The following RPN2 variants were observed in gnomAD, a reference collection of about 807,000 sequenced individuals.
The protein encoded by RPN2 is dolichyl-diphosphooligosaccharide--protein glycosyltransferase subunit 2.
In RPN2, 29 loss-of-function variants were observed where a neutral mutation model predicts 71.4. The ratio of observed to expected loss-of-function variants is 0.41; its 90% CI spans 0.30 to 0.55. The LOEUF (loss-of-function observed/expected upper bound fraction) is 0.55. Ranked by LOEUF, RPN2 falls within the 20% of genes least tolerant of loss-of-function variation. The probability of loss-of-function intolerance (pLI) is 0.35; values close to 1 mark genes in which losing one functional copy is unlikely to be tolerated. For missense variants in RPN2, 726 were observed against 774.1 expected (o/e 0.94, Z 0.74); for synonymous variants, 308 against 305.0 (o/e 1.01, Z -0.10).
At chr20:37,186,289 A>C (rs1044375357) in intron 2 of RPN2, among the ~76,000 whole-genome samples, 3 of 152,338 alleles carry the variant, frequency 2.0e-5, no homozygotes, top group Non-Finnish European at 4.4e-5. Context: ...TAAATGAATA[A>C]TCAGTGGATG....
intron 2 of RPN2, among the ~76,000 whole-genome samples, chr20:37,189,662 T>C (rs1428620352): frequency 6.6e-6 from 1 of 152,206 alleles, no homozygotes; most frequent in African/African-American, 2.4e-5. Flanking sequence ...TTAGTTCTGC[T>C]CAAAAGTAAG....
chr20:37,186,378 T>TTA, intron 2 of RPN2, among the ~76,000 whole-genome samples: 1 of 152,218 alleles, frequency 6.6e-6, no homozygotes, highest in Non-Finnish European at 1.5e-5. Flanking sequence ...TGACTCCAAA[T>TTA]CTGTAGGGAC....
intron 6 of RPN2, 147 bp downstream of exon 6, chr20:37,205,048 A>G: frequency 8.3e-7 from 1 of 1,201,502 alleles, no homozygotes; most frequent in South Asian, 1.5e-5. Flanking sequence ...AGAATGAGAA[A>G]TAGAAAGATG....
intron 8 of RPN2, among the ~76,000 whole-genome samples, chr20:37,213,324 C>A (rs970651463): frequency 6.6e-6 from 1 of 152,200 alleles, no homozygotes; most frequent in Non-Finnish European, 1.5e-5. Context: ...ACATGCCAAT[C>A]TGTGATTAAG....
chr20:37,226,683 C>G (rs928460282), intron 11 of RPN2, among the ~76,000 whole-genome samples: 1 of 152,012 alleles, frequency 6.6e-6, no homozygotes, highest in Admixed American at 6.6e-5. Flanking sequence ...AAGCAATAGG[C>G]TTTATTTTTT....
Position 37,203,911 on chromosome 20 carries a change from C to T in RPN2, c.506C>T (p.Ser169Phe), listed in dbSNP as rs1428018504. The T allele has an allele frequency of 1.2e-6, 2 of 1,613,982 alleles. No individual in the cohort carries two copies. Among genetic ancestry groups the T allele is most frequent in the Middle Eastern group, 1.6e-4 (1 of 6,062 alleles). Reference protein sequence around the residue: ...LATVQALQTASHLSQQADLRS... With the variant: ...LATVQALQTAFHLSQQADLRS... ...ACAGTCCAGGCTCTGCAGACAGCAT[C>T]CCACCTGTCCCAGCAGGCTGACCTG... Residue 169 changes from serine to phenylalanine, a missense_variant, in exon 5 of 17, where the codon TCC becomes TTC. By Grantham distance (155) the Ser-to-Phe change is radical. Coordinates refer to ENST00000237530, the MANE Select transcript of RPN2 (RefSeq NM_002951.5).
intron 8 of RPN2, among the ~76,000 whole-genome samples, chr20:37,210,385 A>G (rs1471845232): frequency 1.3e-5 from 2 of 152,208 alleles, no homozygotes; most frequent in East Asian, 1.9e-4. Context: ...TCATTGTGAC[A>G]TAAGTAGCTA....
Position 37,197,984 on chromosome 20 carries a change from A to G in RPN2, c.208-413A>G, listed in dbSNP as rs76587375. 8.5e-3 allele frequency among the ~76,000 whole-genome samples: 1,296 copies of G among 152,310 alleles called. 20 individuals carry two copies. Among genetic ancestry groups the G allele is most frequent in the African/African-American group, 0.029 (1,194 of 41,562 alleles). ...AAAGTTGGAATCAGAAGAGACTGCC[A>G]CTTGGTAGCTTTGTCACCTTCATCA... is the stretch of plus-strand genomic sequence containing the variant. On this transcript the variant is annotated intron_variant, in intron 2 of 16. Coordinates refer to ENST00000237530, the MANE Select transcript of RPN2 (RefSeq NM_002951.5).
intron 4 of RPN2, 43 bp downstream of exon 4, chr20:37,199,268 G>A (rs2067326531): frequency 1.9e-6 from 3 of 1,607,748 alleles, no homozygotes; most frequent in Non-Finnish European, 2.5e-6. Flanking sequence ...CATTTGTCTC[G>A]GGTCCTATCC....
intron 15 of RPN2, among the ~76,000 whole-genome samples, chr20:37,234,460 C>T (rs369863476): frequency 6.6e-6 from 1 of 152,186 alleles, no homozygotes; most frequent in African/African-American, 2.4e-5. Context: ...CCCACGCTAT[C>T]GATCTTCACA....
intron 9 of RPN2, among the ~76,000 whole-genome samples, chr20:37,218,915 G>A (rs968569290): frequency 6.6e-6 from 1 of 151,908 alleles, no homozygotes; most frequent in Non-Finnish European, 1.5e-5. Flanking sequence ...TTTGTTTACC[G>A]ACTTATCAGT....
intron 16 of RPN2, 63 bp from the exon 17 acceptor site, chr20:37,241,240 T>C: frequency 6.3e-7 from 1 of 1,596,752 alleles, no homozygotes; most frequent in Non-Finnish European, 8.6e-7. Context: ...TGTCACCAGT[T>C]AGGAACTGTA....
intron 2 of RPN2, among the ~76,000 whole-genome samples, chr20:37,196,927 C>G (rs972536771): frequency 1.3e-5 from 2 of 152,030 alleles, no homozygotes; most frequent in African/African-American, 4.8e-5. Flanking sequence ...CAGTGTGGTA[C>G]GTGCTTTGGG....
chr20:37,187,884 T>G (rs2067045998), intron 2 of RPN2, among the ~76,000 whole-genome samples: 1 of 151,998 alleles, frequency 6.6e-6, no homozygotes, highest in Non-Finnish European at 1.5e-5. Context: ...CTCAAGTGAT[T>G]TGCCCTCCTC....
chr20:37,181,296 C>T (rs2066870910), intron 1 of RPN2, among the ~76,000 whole-genome samples: 1 of 152,178 alleles, frequency 6.6e-6, no homozygotes, highest in Admixed American at 6.5e-5. Context: ...GATTTGTCCT[C>T]TGCTACCTCT....
At chr20:37,234,682 G>GTT (rs1363856102) in intron 15 of RPN2, among the ~76,000 whole-genome samples, 6 of 66,942 alleles carry the variant, frequency 9.0e-5, no homozygotes, top group African/African-American at 3.4e-4. Flanking sequence ...TTTTTTGTTC[G>GTT]TTGTTTTTTT....
chr20:37,205,503 C>A (rs1600781395), intron 6 of RPN2, among the ~76,000 whole-genome samples: 1 of 151,996 alleles, frequency 6.6e-6, no homozygotes, highest in African/African-American at 2.4e-5. Flanking sequence ...TGAGAAGTTA[C>A]CAGCCCTTAA....
chr20:37,202,135 A>G (rs560565667), intron 4 of RPN2, among the ~76,000 whole-genome samples: 18 of 152,364 alleles, frequency 1.2e-4, no homozygotes, highest in African/African-American at 4.3e-4. Context: ...CTCATTCCAA[A>G]GAGAAAAAAA....
chr20:37,200,354 A>T, intron 4 of RPN2: 1 of 379,236 alleles, frequency 2.6e-6, no homozygotes, highest in Admixed American at 3.3e-5. Flanking sequence ...GCCGGTTGTA[A>T]TTTTTTTTTT....
Sources: allele counts gnomAD v4.1 joint callset (sites outside exome capture counted in the v4.1 genomes callset), GRCh38; gene constraint gnomAD v4.1.1; transcripts MANE v1.5; gene names NCBI Gene and HGNC (gene_info 2026-07-23, HGNC 2026-07-21).